Variants in FRMPD3 observed in about 807,000 individuals in gnomAD.
FRMPD3 encodes FERM and PDZ domain-containing protein 3.
FRMPD3 carries 42 observed loss-of-function variants against 97.9 expected under a neutral mutation model. The observed-to-expected ratio is 0.43, with a 90% CI of 0.34 to 0.55. The LOEUF is 0.55. Among genes scored for constraint, FRMPD3 ranks in the 20% least tolerant of loss-of-function variants. FRMPD3 has a pLI of 0.03. For missense variants in FRMPD3, 1,303 were observed against 1,457.7 expected (o/e 0.89, Z 1.73); for synonymous variants, 577 against 581.1 (o/e 0.99, Z 0.10).
intron 13 of FRMPD3, among the ~76,000 whole-genome samples, chrX:107,592,402 T>G (rs185072434): frequency 8.9e-6 from 1 of 111,955 alleles, no homozygotes; most frequent in Admixed American, 9.6e-5. Context: ...ATTAATGTTT[T>G]TAGATGGAAT....
intron 12 of FRMPD3, among the ~76,000 whole-genome samples, chrX:107,572,902 CTACTACTAA>C (rs1922950827): frequency 9.8e-6 from 1 of 102,535 alleles, no homozygotes; most frequent in Non-Finnish European, 2.0e-5. Context: ...ACTACTACTA[CTACTACTAA>C]TAATAATAAT....
chrX:107,595,947 A>G lies in FRMPD3; in HGVS notation c.1442-1374A>G, dbSNP rs1437871249. Among the ~76,000 whole-genome samples, 3 of 110,591 alleles carry G rather than the reference A, an allele frequency of 2.7e-5. No homozygotes were observed. In the South Asian group the frequency reaches 1.1e-3, roughly 41 times the overall value. Reference sequence around the variant, plus strand: ...AGTGAGACTCCGTCTCAAAAAAAAAAAAAAAGAAAAGAAAAGAAAAGAAAG... The same window carrying G: ...AGTGAGACTCCGTCTCAAAAAAAAAGAAAAAGAAAAGAAAAGAAAAGAAAG... On this transcript the variant is annotated intron_variant, in intron 13 of 14. Coordinates refer to ENST00000683843, the MANE Select transcript of FRMPD3 (RefSeq NM_001388459.1).
intron 12 of FRMPD3, among the ~76,000 whole-genome samples, chrX:107,573,730 T>C (rs903834874): frequency 8.0e-5 from 9 of 112,584 alleles, no homozygotes; most frequent in Admixed American, 4.7e-4. Context: ...AAATGCCTTA[T>C]TGTGGCATGC....
intron 1 of FRMPD3, among the ~76,000 whole-genome samples, chrX:107,499,031 A>G (rs1921842392): frequency 9.0e-6 from 1 of 110,702 alleles, no homozygotes; most frequent in Non-Finnish European, 1.9e-5. Context: ...CGGTTCATTC[A>G]AAGAGCACTT....
chrX:107,594,234 A>T (rs1399953658), intron 13 of FRMPD3, among the ~76,000 whole-genome samples: 2 of 111,815 alleles, frequency 1.8e-5, no homozygotes, highest in Non-Finnish European at 3.8e-5. Flanking sequence ...TAATGAATTC[A>T]TCTATCAGAT....
At chrX:107,490,789 G>C (rs1205326129) in intron 1 of FRMPD3, among the ~76,000 whole-genome samples, 3 of 111,720 alleles carry the variant, frequency 2.7e-5, no homozygotes, top group African/African-American at 9.8e-5. Context: ...AAAGGTGTGT[G>C]GTATGTACAT....
chrX:107,558,987 C>T (rs1922229204), intron 8 of FRMPD3, among the ~76,000 whole-genome samples: 1 of 105,435 alleles, frequency 9.5e-6, no homozygotes, highest in Admixed American at 1.0e-4. Flanking sequence ...ATCTGGCCTA[C>T]ATAGCACTAT....
intron 1 of FRMPD3, among the ~76,000 whole-genome samples, chrX:107,452,417 CT>C (rs1931305295): frequency 8.9e-6 from 1 of 112,001 alleles, no homozygotes; most frequent in Admixed American, 9.4e-5. Context: ...AGAATATCCC[CT>C]ATCTCTCGCT....
intron 10 of FRMPD3, among the ~76,000 whole-genome samples, chrX:107,561,286 C>T (rs937800615): frequency 9.0e-6 from 1 of 111,372 alleles, no homozygotes; most frequent in Non-Finnish European, 1.9e-5. Flanking sequence ...ATCACTTGAG[C>T]CCAGGAGTTT....
At chrX:107,512,745 A>G (rs1393311455) in intron 1 of FRMPD3, among the ~76,000 whole-genome samples, 1 of 112,275 alleles carries the variant, frequency 8.9e-6, no homozygotes, top group Admixed American at 9.4e-5. Flanking sequence ...CAACTCCTTC[A>G]AGCTCCTATG....
intron 1 of FRMPD3, among the ~76,000 whole-genome samples, chrX:107,520,553 G>A (rs1469354359): frequency 9.0e-6 from 1 of 111,187 alleles, no homozygotes; most frequent in African/African-American, 3.3e-5. Flanking sequence ...CCAGCTCCTG[G>A]GGAGGCTGAG....
At position 107,600,400 on chromosome X, in the gene FRMPD3, G is replaced by A. The variant is rs755789777; in HGVS notation, c.2361G>A (p.Ser787=). The stretch of plus-strand genomic sequence containing the variant: ...TCACAGACATGTCAGAGATGATGTC[G>A]GCCATGAAGCAGCACCAGAACACCA... The part of the protein sequence containing the change: ...SELTDMSEMM[S]AMKQHQNTTY... The change falls in exon 15 of 15, where the codon TCG becomes TCA. Residue 787 remains serine (S), a synonymous_variant. Transcript: ENST00000683843. 26 of 1,208,803 alleles carry A rather than the reference G, an allele frequency of 2.2e-5. No homozygotes were observed. Among genetic ancestry groups the A allele is most frequent in the Admixed American group, 2.2e-5 (1 of 45,790 alleles).
intron 1 of FRMPD3, among the ~76,000 whole-genome samples, chrX:107,512,788 C>T (rs1380312715): frequency 8.9e-6 from 1 of 112,499 alleles, no homozygotes; most frequent in Non-Finnish European, 1.9e-5. Flanking sequence ...CCCTTGCTGC[C>T]TCTGCCAGTG....
chrX:107,579,391 A>G (rs766021397), intron 13 of FRMPD3, among the ~76,000 whole-genome samples: 13 of 112,323 alleles, frequency 1.2e-4, no homozygotes, highest in African/African-American at 4.2e-4. Flanking sequence ...CTTGGGCTTT[A>G]TCAGTAGCTT....
intron 1 of FRMPD3, among the ~76,000 whole-genome samples, chrX:107,477,358 G>T (rs1921226710): frequency 9.1e-6 from 1 of 110,478 alleles, no homozygotes. Flanking sequence ...GGGGCTGGGG[G>T]GTGGGGAGAA....
At chrX:107,554,543 A>G (rs779337819) in intron 8 of FRMPD3, 39 bp downstream of exon 8, 1 of 1,185,703 alleles carries the variant, frequency 8.4e-7, no homozygotes, top group East Asian at 3.0e-5. Context: ...AGACCAGTGG[A>G]CAAAGAAGCA....
rs1430410666 is a variant in FRMPD3 at position 107,449,786 on chromosome X, C to G, written c.-227C>G. On this transcript the variant is annotated 5_prime_UTR_variant, in exon 1 of 15. Coordinates refer to ENST00000683843, the MANE Select transcript of FRMPD3 (RefSeq NM_001388459.1). The stretch of plus-strand genomic sequence containing the variant: ...GCCCGCCGCCTGCGCGCCAGCTCCC[C>G]GCGTCCCGGGCCAGCTGCTGCCGCC... Among the ~76,000 whole-genome samples, 1 of 108,451 alleles carries G rather than the reference C, an allele frequency of 9.2e-6. No individual in the cohort carries two copies. Among genetic ancestry groups the G allele is most frequent in the Non-Finnish European group, 1.9e-5 (1 of 51,733 alleles). The allele number at this position is 108,451 out of a possible 115,157, so 94.2% of individuals were successfully genotyped here. A position where few individuals can be genotyped will look rare whatever the true frequency, so the allele number is the denominator to read the frequency against.
At chrX:107,566,343 G>C (rs1157850317) in intron 12 of FRMPD3, among the ~76,000 whole-genome samples, 1 of 112,958 alleles carries the variant, frequency 8.9e-6, no homozygotes, top group Non-Finnish European at 1.9e-5. Flanking sequence ...AACCCAGAAA[G>C]CTTTAATGTG....
At chrX:107,598,191 C>T in intron 14 of FRMPD3, 49 bp downstream of exon 14, 3 of 1,052,434 alleles carry the variant, frequency 2.9e-6, no homozygotes, top group South Asian at 4.2e-5. Context: ...TCTTGTCCAA[C>T]AAGGGCCAGT....
Sources: allele counts gnomAD v4.1 joint callset (sites outside exome capture counted in the v4.1 genomes callset), GRCh38; gene constraint gnomAD v4.1.1; transcripts MANE v1.5; gene names NCBI Gene and HGNC (gene_info 2026-07-23, HGNC 2026-07-21).